Variants in SYT2 observed in about 807,000 individuals in gnomAD.
SYT2 encodes synaptotagmin-2.
SYT2 carries 15 observed loss-of-function variants against 39.9 expected under a neutral mutation model. The observed-to-expected ratio is 0.38, with a 90% CI of 0.25 to 0.58. The LOEUF is 0.58. Ranked by LOEUF, SYT2 falls within the 20% of genes least tolerant of loss-of-function variation. SYT2 has a pLI of 0.70. For synonymous variants in SYT2, 181 were observed against 204.5 expected, an observed-to-expected ratio of 0.89 and a Z score of 0.98; for missense variants, 389 against 530.3, an observed-to-expected ratio of 0.73 and a Z score of 2.62.
intron 3 of SYT2, 129 bp downstream of exon 3, chr1:202,604,324 TGA>T: frequency 1.1e-6 from 1 of 907,140 alleles, no homozygotes; most frequent in Non-Finnish European, 1.7e-6. Context: ...GAGATGTAAC[TGA>T]GAGAGCCAAG....
chr1:202,668,026 A>G (rs1202130784), intron 1 of SYT2, among the ~76,000 whole-genome samples: 1 of 152,204 alleles, frequency 6.6e-6, no homozygotes, highest in Non-Finnish European at 1.5e-5. Context: ...ATTTTCAGGC[A>G]ATCCTCCCTC....
intron 1 of SYT2, among the ~76,000 whole-genome samples, chr1:202,631,548 C>T (rs557901210): frequency 3.7e-4 from 57 of 152,302 alleles, no homozygotes; most frequent in African/African-American, 1.3e-3. Context: ...TGTGGATCAG[C>T]GGTGCCTCTG....
chr1:202,596,260 T>A lies in SYT2; in HGVS notation c.*497A>T. 8.7e-6 allele frequency: 1 copy of A among 114,852 alleles called. No individual in the cohort carries two copies. The highest frequency in any genetic ancestry group is 1.9e-5 in the Non-Finnish European group (1 of 52,956). The allele number at this position is 114,852 out of a possible 1,614,324, so 7.1% of individuals were successfully genotyped here. On this transcript the variant is annotated 3_prime_UTR_variant, in exon 9 of 9. Transcript: ENST00000367268. Reference sequence around the variant, plus strand: ...CACACATTCCAGGAATGAAGAGAAATGCTCAAAGACACACACACACACACA... The same window carrying A: ...CACACATTCCAGGAATGAAGAGAAAAGCTCAAAGACACACACACACACACA...
At chr1:202,674,084 A>C (rs995918903) in intron 1 of SYT2, among the ~76,000 whole-genome samples, 4 of 151,926 alleles carry the variant, frequency 2.6e-5, no homozygotes, top group Non-Finnish European at 4.4e-5. Flanking sequence ...ACAATGGGAG[A>C]GCACAGGTAT....
chr1:202,602,570 G>T, intron 4 of SYT2, 25 bp from the exon 5 acceptor site: 1 of 1,601,508 alleles, frequency 6.2e-7, no homozygotes, highest in Non-Finnish European at 8.5e-7. Flanking sequence ...GGGGAGAAGG[G>T]GCCTGAGTCT....
chr1:202,670,396 G>T (rs1036024877), intron 1 of SYT2, among the ~76,000 whole-genome samples: 1 of 152,158 alleles, frequency 6.6e-6, no homozygotes, highest in Non-Finnish European at 1.5e-5. Flanking sequence ...GGTGCCCAGG[G>T]AGCTACTGGC....
In SYT2 at chr1:202,662,944, G is replaced by T. The variant is rs114266042; in HGVS notation, c.-18+47314C>A. 8.1e-3 allele frequency among the ~76,000 whole-genome samples: 1,228 copies of T among 152,332 alleles called. 12 individuals are homozygous for T. Among genetic ancestry groups the T allele is most frequent in the African/African-American group, 0.028 (1,150 of 41,566 alleles). On this transcript the variant is annotated intron_variant, in intron 1 of 8. Transcript: ENST00000367268. ...GTGACTGGGGCTTGGAAGGGGAAATGAGCTTGTTCTTTCCCAGAGGAGAGA... is the reference window on the plus strand; with the variant it reads ...GTGACTGGGGCTTGGAAGGGGAAATTAGCTTGTTCTTTCCCAGAGGAGAGA...
chr1:202,700,278 C>G (rs1240384736), intron 1 of SYT2, among the ~76,000 whole-genome samples: 2 of 152,164 alleles, frequency 1.3e-5, no homozygotes, highest in Non-Finnish European at 2.9e-5. Flanking sequence ...GCCAGGCTGA[C>G]TCTGGACTTC....
chr1:202,702,650 C>T (rs1407485833), intron 1 of SYT2, among the ~76,000 whole-genome samples: 1 of 152,176 alleles, frequency 6.6e-6, no homozygotes, highest in Non-Finnish European at 1.5e-5. Flanking sequence ...TAGAGGGTTG[C>T]CTGGGTGGTC....
chr1:202,682,132 C>T lies in SYT2; in HGVS notation c.-18+28126G>A, dbSNP rs149513406. 4.8e-4 allele frequency among the ~76,000 whole-genome samples: 73 copies of T among 152,354 alleles called. 1 individual carries two copies. Among genetic ancestry groups the T allele is most frequent in the African/African-American group, 1.6e-3 (68 of 41,590 alleles). On this transcript the variant is annotated intron_variant, in intron 1 of 8. Transcript: ENST00000367268. ...TGTCTTGCCTTGCCAGTGAGACTGA[C>T]CTCTTGGAGGTTAGGTAGCATTCCC...
chr1:202,605,993 GA>G (rs2149072467), intron 1 of SYT2, among the ~76,000 whole-genome samples: 1 of 152,110 alleles, frequency 6.6e-6, no homozygotes, highest in South Asian at 2.1e-4. Context: ...CCTATCTTTA[GA>G]AATTTTTTTT....
chr1:202,693,251 G>A (rs1653885288), intron 1 of SYT2, among the ~76,000 whole-genome samples: 1 of 152,180 alleles, frequency 6.6e-6, no homozygotes, highest in South Asian at 2.1e-4. Context: ...GGATTCAGGG[G>A]CAAATTGATG....
chr1:202,697,517 CG>C (rs1186754586), intron 1 of SYT2, among the ~76,000 whole-genome samples: 2 of 152,240 alleles, frequency 1.3e-5, no homozygotes, highest in Admixed American at 6.5e-5. Context: ...GCGAACCTCA[CG>C]CAAGAAGGAA....
intron 3 of SYT2, chr1:202,604,161 T>TG (rs1199255289): frequency 3.7e-5 from 12 of 326,316 alleles, no homozygotes; most frequent in Admixed American, 2.3e-4. Flanking sequence ...CTTGCTGGTG[T>TG]GGGGCTGTCT....
chr1:202,637,767 G>A (rs1392626731), intron 1 of SYT2, among the ~76,000 whole-genome samples: 3 of 152,228 alleles, frequency 2.0e-5, no homozygotes, highest in South Asian at 2.1e-4. Flanking sequence ...CTCAGTGCCC[G>A]GGGCCAAACT....
chr1:202,664,649 GCTC>G (rs1692449936), intron 1 of SYT2, among the ~76,000 whole-genome samples: 1 of 152,092 alleles, frequency 6.6e-6, no homozygotes, highest in African/African-American at 2.4e-5. Flanking sequence ...TTCTGGGATG[GCTC>G]CTTTTACTCA....
intron 1 of SYT2, among the ~76,000 whole-genome samples, chr1:202,707,904 G>T (rs558261211): frequency 2.0e-5 from 3 of 152,274 alleles, no homozygotes; most frequent in Non-Finnish European, 4.4e-5. Context: ...CCACCCCCAG[G>T]TCTCTGCAGT....
At chr1:202,656,888 C>T (rs191354973) in intron 1 of SYT2, among the ~76,000 whole-genome samples, 10 of 152,312 alleles carry the variant, frequency 6.6e-5, no homozygotes, top group Admixed American at 2.6e-4. Context: ...AATCTCTCTC[C>T]CTGTGGCTTC....
intron 1 of SYT2, among the ~76,000 whole-genome samples, chr1:202,660,582 C>G (rs1467803966): frequency 6.6e-6 from 1 of 152,210 alleles, no homozygotes; most frequent in African/African-American, 2.4e-5. Context: ...AGTTCTGGTG[C>G]TCCAGGAGAT....
Sources: gnomAD v4.1 joint callset for allele counts (sites outside exome capture counted in the v4.1 genomes callset) on GRCh38, gnomAD v4.1.1 for gene constraint, MANE v1.5 for transcripts, NCBI Gene and HGNC (gene_info 2026-07-23, HGNC 2026-07-21) for gene names.